MTREX: variants seen among roughly 807,000 people sequenced by gnomAD.
MTREX encodes the protein exosome RNA helicase MTR4.
In MTREX, 76 loss-of-function variants were observed where a neutral mutation model predicts 135.4. The observed-to-expected ratio is 0.56, with a 90% CI of 0.47 to 0.68. The LOEUF (loss-of-function observed/expected upper bound fraction) is 0.68. MTREX is among the 30% of genes least tolerant of loss of function. The probability of loss-of-function intolerance (pLI) is 0.00; values close to 1 mark genes in which losing one functional copy is unlikely to be tolerated. For missense variants in MTREX, 920 were observed against 1,262.1 expected (o/e 0.73, Z 4.11); for synonymous variants, 404 against 401.6 (o/e 1.01, Z -0.07).
rs1445107400 is a variant in MTREX, at chr5:55,425,226, G to A, written c.*454G>A. 7 of 1,613,928 alleles carry A rather than the reference G, an allele frequency of 4.3e-6. No homozygotes were observed. The Admixed American group carries it at 5.0e-5, about 12-fold the overall frequency. On this transcript the variant is annotated 3_prime_UTR_variant, in exon 27 of 27. Coordinates refer to ENST00000230640, the MANE Select transcript of MTREX (RefSeq NM_015360.5). The stretch of plus-strand genomic sequence containing the variant: ...GCCTTTCAAGGCTGGTGATTGCTCG[G>A]ATAGTGATTCCCAGTTGTTGGTGTT...
At chr5:55,344,233 T>C (rs565949651) in intron 8 of MTREX, among the ~76,000 whole-genome samples, 2 of 152,184 alleles carry the variant, frequency 1.3e-5, no homozygotes, top group Non-Finnish European at 2.9e-5. Context: ...AATAAGCATC[T>C]TTCCGTAATT....
At chr5:55,421,303 A>G (rs764172770) in intron 25 of MTREX, among the ~76,000 whole-genome samples, 5 of 152,208 alleles carry the variant, frequency 3.3e-5, no homozygotes, top group Non-Finnish European at 7.3e-5. Flanking sequence ...TGGGGGGAGT[A>G]GCCTCTATGT....
chr5:55,412,536 G>T (rs1205170248), intron 23 of MTREX, among the ~76,000 whole-genome samples: 1 of 152,152 alleles, frequency 6.6e-6, no homozygotes, highest in Admixed American at 6.6e-5. Flanking sequence ...TCAAATAGGG[G>T]TGAAGGTTTT....
intron 1 of MTREX, among the ~76,000 whole-genome samples, chr5:55,315,445 G>C (rs1239199863): frequency 6.6e-6 from 1 of 152,096 alleles, no homozygotes; most frequent in Non-Finnish European, 1.5e-5. Context: ...TTTTAAACCA[G>C]TGATTTTCAT....
chr5:55,416,249 T>G lies in MTREX; in HGVS notation c.2971+117T>G, dbSNP rs1471416171. ...TAATATTTGGTAACTAAATGAAATC[T>G]TCTCCCTATTATATAGATTAAAAAA... On this transcript the variant is annotated intron_variant, in intron 25 of 26. Transcript: ENST00000230640. 4.8e-6 allele frequency: 3 copies of G among 619,734 alleles called. No individual in the cohort carries two copies. In the African/African-American group the frequency reaches 5.8e-5, roughly 12 times the overall value. The allele number at this position is 619,734 out of a possible 1,614,324, so 38.4% of individuals were successfully genotyped here.
At chr5:55,371,858 T>C (rs1750208362) in intron 16 of MTREX, among the ~76,000 whole-genome samples, 1 of 152,148 alleles carries the variant, frequency 6.6e-6, no homozygotes, top group Non-Finnish European at 1.5e-5. Context: ...TATGTAGCTG[T>C]AGTTAGAGTC....
chr5:55,373,094 GTTTATT>G (rs1287983765), intron 16 of MTREX, among the ~76,000 whole-genome samples: 60 of 147,624 alleles, frequency 4.1e-4, no homozygotes, highest in African/African-American at 1.2e-3. Context: ...AGGCAGGGTT[GTTTATT>G]TTTATTTTTA....
intron 16 of MTREX, 144 bp downstream of exon 16, chr5:55,367,019 A>G (rs1478938857): frequency 3.5e-6 from 2 of 569,846 alleles, no homozygotes. Flanking sequence ...TAGTCTGGTC[A>G]TTGTAACTGA....
intron 1 of MTREX, among the ~76,000 whole-genome samples, chr5:55,318,605 G>A (rs1245108241): frequency 6.6e-6 from 1 of 152,096 alleles, no homozygotes; most frequent in African/African-American, 2.4e-5. Flanking sequence ...AACAGACACT[G>A]GGGTCTACTT....
intron 21 of MTREX, chr5:55,405,123 A>C: frequency 5.2e-6 from 1 of 193,444 alleles, no homozygotes. Flanking sequence ...AGCTTTTTAC[A>C]CTTTCTAACA....
intron 25 of MTREX, among the ~76,000 whole-genome samples, chr5:55,422,557 C>T (rs909749795): frequency 6.6e-6 from 1 of 152,182 alleles, no homozygotes; most frequent in Non-Finnish European, 1.5e-5. Context: ...GAGATACTGC[C>T]TGGTTCTTAC....
chr5:55,372,892 ATGTGTG>A (rs59026723), intron 16 of MTREX, among the ~76,000 whole-genome samples: 8,476 of 120,946 alleles, frequency 0.07, 244 homozygotes, highest in African/African-American at 0.11. Context: ...TAAAACTGTA[ATGTGTG>A]TGTGTGTGTG....
chr5:55,308,044 A>G lies in MTREX; in HGVS notation c.31A>G (p.Ser11Gly), dbSNP rs1224984494. The G allele has an allele frequency of 1.2e-6, 2 of 1,614,144 alleles. No homozygotes were observed. Among genetic ancestry groups the G allele is most frequent in the Non-Finnish European group, 1.7e-6 (2 of 1,180,040 alleles). Residue 11 changes from serine to glycine, a missense_variant, in exon 1 of 27, where the codon AGC becomes GGC. This residue lies in a region of MTREX where 136 missense variants were observed against 126.7 expected (regional missense o/e 1.07). Transcript: ENST00000230640. ...GGACGCATTCGGAGATGAGCTGTTC[A>G]GCGTGTTCGAGGGCGACTCGACCAC... The part of the protein sequence containing the change: MADAFGDELF[S>G]VFEGDSTTAA...
chr5:55,322,862 T>G (rs1749310948), intron 2 of MTREX, among the ~76,000 whole-genome samples: 1 of 152,204 alleles, frequency 6.6e-6, no homozygotes, highest in African/African-American at 2.4e-5. Context: ...TTGTTGCATG[T>G]GGAGTAGAGT....
chr5:55,319,742 A>G (rs1419116960), intron 1 of MTREX, among the ~76,000 whole-genome samples: 2 of 152,204 alleles, frequency 1.3e-5, no homozygotes, highest in African/African-American at 2.4e-5. Flanking sequence ...ATACCAAGCT[A>G]TGAGAGAAAT....
chr5:55,382,156 T>C (rs992769542), intron 18 of MTREX, among the ~76,000 whole-genome samples: 1 of 152,182 alleles, frequency 6.6e-6, no homozygotes, highest in Non-Finnish European at 1.5e-5. Context: ...CATTGAGTTT[T>C]ATTACTGATA....
chr5:55,415,694 A>C (rs1233774832), intron 24 of MTREX, among the ~76,000 whole-genome samples: 1 of 152,216 alleles, frequency 6.6e-6, no homozygotes, highest in Non-Finnish European at 1.5e-5. Flanking sequence ...TTTAATGAAG[A>C]GTTCTGTTTC....
rs773273630 is a variant in MTREX, at chr5:55,425,224, C to T, written c.*452C>T. Reference sequence around the variant, plus strand: ...CTGCCTTTCAAGGCTGGTGATTGCTCGGATAGTGATTCCCAGTTGTTGGTG... The same window carrying T: ...CTGCCTTTCAAGGCTGGTGATTGCTTGGATAGTGATTCCCAGTTGTTGGTG... On this transcript the variant is annotated 3_prime_UTR_variant, in exon 27 of 27. Coordinates refer to ENST00000230640, the MANE Select transcript of MTREX (RefSeq NM_015360.5). 8.7e-6 allele frequency: 14 copies of T among 1,613,474 alleles called. No homozygotes were observed. Among genetic ancestry groups the T allele is most frequent in the South Asian group, 3.3e-5 (3 of 90,984 alleles).
chr5:55,329,633 T>G (rs1749438214), intron 5 of MTREX, among the ~76,000 whole-genome samples: 1 of 152,210 alleles, frequency 6.6e-6, no homozygotes, highest in South Asian at 2.1e-4. Flanking sequence ...TTTGTATGTC[T>G]GAAAATCTTT....
Sources: allele counts gnomAD v4.1 joint callset (sites outside exome capture counted in the v4.1 genomes callset), GRCh38; gene constraint gnomAD v4.1.1; regional missense constraint gnomAD v4.1.1; transcripts MANE v1.5; gene names NCBI Gene and HGNC (gene_info 2026-07-23, HGNC 2026-07-21).